SPATA7: variants seen among roughly 807,000 people sequenced by gnomAD.
The protein encoded by SPATA7 is spermatogenesis-associated protein 7.
SPATA7 carries 43 observed loss-of-function variants against 51.8 expected under a neutral mutation model. That is an observed-to-expected ratio of 0.83 (90% CI 0.65 to 1.07). SPATA7 has a LOEUF of 1.07. SPATA7 is among the 50% of genes least tolerant of loss of function. SPATA7 has a pLI of 0.00. For synonymous variants in SPATA7, 230 were observed against 252.8 expected (o/e 0.91, Z 0.86); for missense variants, 683 against 701.3 (o/e 0.97, Z 0.30).
rs148592675 is a variant in SPATA7, at chr14:88,393,404, G to A, written c.106G>A (p.Asp36Asn). The A allele has an allele frequency of 6.3e-7, 1 of 1,595,292 alleles. No homozygotes were observed. The highest frequency in any genetic ancestry group is 1.3e-5 in the African/African-American group (1 of 74,720). ...GTTTTAATTTTTAGCTTTTTGCACT[G>A]ACTCCTCTTCTCTCAGACTAAGCAC... ...LSTKSNAFCT[D>N]SSSLRLSTLQ... is the part of the protein sequence containing the mutation. Residue 36 changes from aspartate to asparagine, a missense_variant, in exon 3 of 12, where the codon GAC (aspartate) becomes AAC (asparagine). Transcript: ENST00000393545.
chr14:88,452,526 G>T (rs2077258070), intron 3 of SPATA7, among the ~76,000 whole-genome samples: 1 of 152,134 alleles, frequency 6.6e-6, no homozygotes, highest in South Asian at 2.1e-4. Context: ...TTCTTCTGCT[G>T]TCCCGCAGAG....
downstream of SPATA7, among the ~76,000 whole-genome samples, chr14:88,455,530 C>T (rs911811705): frequency 1.2e-4 from 19 of 152,188 alleles, no homozygotes; most frequent in Admixed American, 7.2e-4. Flanking sequence ...ATTGATTTCA[C>T]ATATATAACA....
At chr14:88,388,176 TGG>T (rs1407393228) in intron 1 of SPATA7, among the ~76,000 whole-genome samples, 9 of 152,138 alleles carry the variant, frequency 5.9e-5, no homozygotes. Flanking sequence ...CCCTCCAGCC[TGG>T]GCAACAGAGC....
chr14:88,435,486 G>A lies in SPATA7; in HGVS notation c.1161-2057G>A, dbSNP rs149744893. Among the ~76,000 whole-genome samples the A allele has an allele frequency of 6.0e-3, 915 of 152,116 alleles. 6 individuals are homozygous for A. The highest frequency in any genetic ancestry group is 0.02 in the African/African-American group (831 of 41,502). On this transcript the variant is annotated intron_variant, in intron 10 of 11. Coordinates refer to ENST00000393545, the MANE Select transcript of SPATA7 (RefSeq NM_018418.5). Reference sequence around the variant, plus strand: ...TTAAATGTACAATTAAGTTACTATTGACTGTAGTCACCCTGTTGTGCTGTC... The same window carrying A: ...TTAAATGTACAATTAAGTTACTATTAACTGTAGTCACCCTGTTGTGCTGTC...
chr14:88,389,213 T>G (rs2075670681), intron 1 of SPATA7, among the ~76,000 whole-genome samples: 1 of 151,898 alleles, frequency 6.6e-6, no homozygotes, highest in Admixed American at 6.6e-5. Flanking sequence ...CTGTTAGGTT[T>G]TTTTTTTTCC....
At chr14:88,428,394 C>G (rs2076853701) in intron 7 of SPATA7, 1 of 152,098 alleles carries the variant, frequency 6.6e-6, no homozygotes. Flanking sequence ...TCAACTTCCC[C>G]CTTCCCTTCT....
intron 4 of SPATA7, chr14:88,468,260 C>T (rs1652991739): frequency 6.3e-7 from 1 of 1,599,612 alleles, no homozygotes; most frequent in African/African-American, 1.3e-5. Context: ...TCGGGATGTC[C>T]AGCACCTAGG....
Position 88,469,109 on chromosome 14 carries a change from A to G in SPATA7, c.255-738A>G, listed in dbSNP as rs1354073754. 6.3e-7 allele frequency: 1 copy of G among 1,590,280 alleles called. No individual in the cohort carries two copies. Among genetic ancestry groups the G allele is most frequent in the Admixed American group, 1.7e-5 (1 of 58,952 alleles). On this transcript the variant is annotated intron_variant, in intron 4 of 4. Transcript: ENST00000556406. The surrounding 1 kb of genome is among the most constrained non-coding windows in gnomAD (Gnocchi z 4.3). Reference sequence around the variant, plus strand: ...AAATCAATGAAATAGAAAAGTACTCAAGGATCAAGGCGTATCACATTGTTG... The same window carrying G: ...AAATCAATGAAATAGAAAAGTACTCGAGGATCAAGGCGTATCACATTGTTG...
chr14:88,393,516 G>T, intron 3 of SPATA7, 28 bp downstream of exon 3: 1 of 1,502,430 alleles, frequency 6.7e-7, no homozygotes, highest in Non-Finnish European at 9.2e-7. Context: ...TGAACTCTCT[G>T]TACTCAATTT....
At chr14:88,429,692 C>T (rs2076889236) in intron 8 of SPATA7, among the ~76,000 whole-genome samples, 1 of 151,846 alleles carries the variant, frequency 6.6e-6, no homozygotes, top group South Asian at 2.1e-4. Context: ...AGGAAAAAAC[C>T]ACACCAACTT....
At position 88,427,799 on chromosome 14, in the gene SPATA7, G is replaced by A. The variant is rs189629850; in HGVS notation, c.912+103G>A. On this transcript the variant is annotated intron_variant, in intron 7 of 11. Coordinates refer to ENST00000393545, the MANE Select transcript of SPATA7 (RefSeq NM_018418.5). ...TTTAGACTGTGAAGAATAATCTGTT[G>A]GTGGCACTTATCATACATGATATAG... is the stretch of plus-strand genomic sequence containing the variant. The A allele has an allele frequency of 2.8e-3, 2,477 of 870,080 alleles. 9 individuals are homozygous for A. The highest frequency in any genetic ancestry group is 2.4e-3 in the Non-Finnish European group (1,272 of 526,060). The allele number at this position is 870,080 out of a possible 1,614,324, so 53.9% of individuals were successfully genotyped here. A position where few individuals can be genotyped will look rare whatever the true frequency, so the allele number is the denominator to read the frequency against.
downstream of SPATA7, among the ~76,000 whole-genome samples, chr14:88,459,064 T>C (rs1427345379): frequency 2.0e-5 from 3 of 152,208 alleles, no homozygotes; most frequent in East Asian, 1.9e-4. Flanking sequence ...AGTTCTACTT[T>C]GATTGCACTG....
At chr14:88,396,955 C>T (rs906959555) in intron 4 of SPATA7, among the ~76,000 whole-genome samples, 1 of 150,852 alleles carries the variant, frequency 6.6e-6, no homozygotes, top group Non-Finnish European at 1.5e-5. Flanking sequence ...TCACTGTAAC[C>T]TCCACCTCCT....
At chr14:88,386,570 T>TAA (rs1232436321) in intron 1 of SPATA7, among the ~76,000 whole-genome samples, 1 of 152,218 alleles carries the variant, frequency 6.6e-6, no homozygotes, top group Admixed American at 6.5e-5. Context: ...TCTCTACTGA[T>TAA]TTCTTGAGTC....
At chr14:88,417,671 T>A (rs1349363145) in intron 5 of SPATA7, among the ~76,000 whole-genome samples, 1 of 152,200 alleles carries the variant, frequency 6.6e-6, no homozygotes, top group Admixed American at 6.5e-5. Flanking sequence ...CAACTTTGCA[T>A]TCCTGTTGTA....
At chr14:88,418,857 T>C (rs914718155) in intron 5 of SPATA7, among the ~76,000 whole-genome samples, 1 of 152,242 alleles carries the variant, frequency 6.6e-6, no homozygotes, top group Non-Finnish European at 1.5e-5. Context: ...TTTTCCTTAG[T>C]ATCTGTTTGT....
chr14:88,419,531 CTTT>C (rs561604199), intron 5 of SPATA7, among the ~76,000 whole-genome samples: 1 of 131,020 alleles, frequency 7.6e-6, no homozygotes. Flanking sequence ...TAATCATTGT[CTTT>C]TTTTTTTTTT....
intron 4 of SPATA7, among the ~76,000 whole-genome samples, chr14:88,463,290 C>T (rs1462098310): frequency 6.6e-6 from 1 of 152,200 alleles, no homozygotes; most frequent in Non-Finnish European, 1.5e-5. Context: ...CCACTTCAGA[C>T]AGTTTCATTA....
chr14:88,392,772 AT>A (rs2075778428), intron 2 of SPATA7, among the ~76,000 whole-genome samples: 1 of 152,130 alleles, frequency 6.6e-6, no homozygotes, highest in African/African-American at 2.4e-5. Flanking sequence ...CTATATTTAT[AT>A]TTTATACTTG....
Sources: gnomAD v4.1 joint callset for allele counts (sites outside exome capture counted in the v4.1 genomes callset) on GRCh38, gnomAD v4.1.1 for gene constraint, Gnocchi (gnomAD v3.1) non-coding constraint, MANE v1.5 for transcripts, NCBI Gene and HGNC (gene_info 2026-07-23, HGNC 2026-07-21) for gene names.